Variants in GRM8 observed in about 807,000 individuals in gnomAD.
GRM8 encodes metabotropic glutamate receptor 8.
A neutral mutation model predicts 87.2 loss-of-function variants in GRM8; 47 were observed. The observed-to-expected ratio is 0.54, with a 90% CI of 0.43 to 0.69. GRM8 has a LOEUF of 0.69. GRM8 is among the 30% of genes least tolerant of loss of function. The probability of loss-of-function intolerance (pLI) is 0.00; values close to 1 mark genes in which losing one functional copy is unlikely to be tolerated. For missense variants in GRM8, 1,019 were observed against 1,139.2 expected, an observed-to-expected ratio of 0.89 and a Z score of 1.52; for synonymous variants, 396 against 404.5, an observed-to-expected ratio of 0.98 and a Z score of 0.25.
intron 8 of GRM8, among the ~76,000 whole-genome samples, chr7:126,545,775 G>A (rs1403965581): frequency 2.0e-5 from 3 of 152,202 alleles, no homozygotes; most frequent in Admixed American, 6.5e-5. Flanking sequence ...AATGAGCTCA[G>A]AACTAGTACT....
intron 2 of GRM8, among the ~76,000 whole-genome samples, chr7:127,133,423 A>G (rs1260964101): frequency 6.6e-6 from 1 of 151,786 alleles, no homozygotes; most frequent in Non-Finnish European, 1.5e-5. Flanking sequence ...GTCTCAAAAA[A>G]AACCACAACC....
intron 9 of GRM8, among the ~76,000 whole-genome samples, chr7:126,525,548 C>T (rs879775847): frequency 4.6e-5 from 7 of 152,192 alleles, no homozygotes; most frequent in Non-Finnish European, 8.8e-5. Context: ...CTGATGCCTG[C>T]TTCAGGACTT....
chr7:127,029,428 T>C (rs1372764309), intron 3 of GRM8, among the ~76,000 whole-genome samples: 1 of 152,168 alleles, frequency 6.6e-6, no homozygotes, highest in Non-Finnish European at 1.5e-5. Context: ...ATATTGACAG[T>C]GGTGTGTTAA....
rs757606392 is a variant in GRM8, at chr7:127,243,080, A to G, written c.125T>C (p.Val42Ala). The G allele has an allele frequency of 1.2e-6, 2 of 1,613,664 alleles. No homozygotes were observed. The highest frequency in any genetic ancestry group is 1.7e-6 in the Non-Finnish European group (2 of 1,179,848). Residue 42 changes from valine (V) to alanine (A), a missense_variant, in exon 2 of 11, where the codon GTG becomes GCG. Physicochemically the swap from Val to Ala is moderately conservative, Grantham distance 64 (BLOSUM62 0). Coordinates refer to ENST00000339582, the MANE Select transcript of GRM8 (RefSeq NM_000845.3). ...ACCCCCCAAAATAATGTCCCCATCC[A>G]CCCGTATGGAATGGGCATACTCCTG... is the stretch of plus-strand genomic sequence containing the variant. ...HSQEYAHSIR[V>A]DGDIILGGLF...
rs1300928433 is a variant in GRM8, at chr7:127,200,466, A to G, written c.510+42229T>C. 1.3e-5 allele frequency among the ~76,000 whole-genome samples: 2 copies of G among 152,234 alleles called. 1 individual carries two copies. Among genetic ancestry groups the G allele is most frequent in the Non-Finnish European group, 2.9e-5 (2 of 68,052 alleles). On this transcript the variant is annotated intron_variant, in intron 2 of 10. Transcript: ENST00000339582. ...ACTTCTAACCAATAAAAACAGGAGA[A>G]GTATGGTGTGTATTTGTTTCCATGG...
chr7:127,077,562 C>A (rs1026113685), intron 3 of GRM8, among the ~76,000 whole-genome samples: 16 of 152,108 alleles, frequency 1.1e-4, no homozygotes, highest in African/African-American at 3.9e-4. Flanking sequence ...TCCAAAGACT[C>A]CTAACCAAAA....
At chr7:127,155,383 C>G (rs1046047965) in intron 2 of GRM8, among the ~76,000 whole-genome samples, 1 of 152,132 alleles carries the variant, frequency 6.6e-6, no homozygotes, top group African/African-American at 2.4e-5. Context: ...GCAGTTCTTT[C>G]TTTGATTCAT....
chr7:126,795,532 A>T (rs1170310002), intron 6 of GRM8, among the ~76,000 whole-genome samples: 1 of 152,134 alleles, frequency 6.6e-6, no homozygotes, highest in Non-Finnish European at 1.5e-5. Flanking sequence ...ATAATTGGAA[A>T]ATTGGCTTCT....
intron 8 of GRM8, among the ~76,000 whole-genome samples, chr7:126,608,625 A>G (rs894568263): frequency 6.6e-6 from 1 of 152,178 alleles, no homozygotes; most frequent in African/African-American, 2.4e-5. Flanking sequence ...TAATCTGAAC[A>G]TCACCCTTAG....
chr7:126,681,817 A>G (rs1400039961), intron 7 of GRM8, among the ~76,000 whole-genome samples: 1 of 152,236 alleles, frequency 6.6e-6, no homozygotes, highest in Non-Finnish European at 1.5e-5. Flanking sequence ...TTAATTGACA[A>G]TGATTATGTA....
intron 9 of GRM8, among the ~76,000 whole-genome samples, chr7:126,462,390 C>A (rs1243494382): frequency 6.6e-5 from 10 of 151,528 alleles, no homozygotes; most frequent in Non-Finnish European, 1.5e-4. Context: ...TTACCCACAT[C>A]ACAATAACAA....
chr7:126,966,979 T>G (rs1335500636), intron 3 of GRM8, among the ~76,000 whole-genome samples: 1 of 152,182 alleles, frequency 6.6e-6, no homozygotes, highest in East Asian at 1.9e-4. Flanking sequence ...AATGTCCCCT[T>G]TAGGCCCAAC....
chr7:127,017,356 C>A (rs924422052), intron 3 of GRM8, among the ~76,000 whole-genome samples: 1 of 151,986 alleles, frequency 6.6e-6, no homozygotes, highest in Non-Finnish European at 1.5e-5. Context: ...CATTGATCAG[C>A]TGACTCCTGT....
chr7:126,576,348 T>A (rs1795114062), intron 8 of GRM8, among the ~76,000 whole-genome samples: 1 of 152,092 alleles, frequency 6.6e-6, no homozygotes, highest in South Asian at 2.1e-4. Flanking sequence ...AGCGATGTGA[T>A]CTCCACCCAC....
At chr7:127,113,587 A>T (rs1826515950) in intron 2 of GRM8, among the ~76,000 whole-genome samples, 1 of 152,062 alleles carries the variant, frequency 6.6e-6, no homozygotes, top group South Asian at 2.1e-4. Flanking sequence ...TGTGCTACTC[A>T]ATAACATCAT....
chr7:126,496,430 A>G (rs1047480076), intron 9 of GRM8, among the ~76,000 whole-genome samples: 1 of 152,016 alleles, frequency 6.6e-6, no homozygotes, highest in Non-Finnish European at 1.5e-5. Context: ...TTCTATGACA[A>G]GAAGTATTGA....
intron 6 of GRM8, among the ~76,000 whole-genome samples, chr7:126,806,924 G>A (rs139764925): frequency 0.01 from 1,529 of 152,264 alleles, 23 homozygotes; most frequent in Admixed American, 0.029. Context: ...CTCTGGCCTC[G>A]GCCAGCCCCA....
intron 2 of GRM8, among the ~76,000 whole-genome samples, chr7:127,172,147 T>A (rs2116330937): frequency 6.6e-6 from 1 of 152,318 alleles, no homozygotes; most frequent in Non-Finnish European, 1.5e-5. Context: ...TTGGTAAGTG[T>A]AAACTTTATA....
chr7:126,720,809 T>C (rs1365165110), intron 7 of GRM8, among the ~76,000 whole-genome samples: 2 of 152,088 alleles, frequency 1.3e-5, no homozygotes. Context: ...AACAGGAAAA[T>C]GAGAAAAAAG....
Sources: allele counts gnomAD v4.1 joint callset (sites outside exome capture counted in the v4.1 genomes callset), GRCh38; gene constraint gnomAD v4.1.1; transcripts MANE v1.5; gene names NCBI Gene and HGNC (gene_info 2026-07-23, HGNC 2026-07-21).